Variants in RAB31 observed in about 807,000 individuals in gnomAD.
The protein encoded by RAB31 is RAB31, member RAS oncogene family, also known as ras-related protein Rab-31.
In RAB31, 21 loss-of-function variants were observed where a neutral mutation model predicts 25.6. That is an observed-to-expected ratio of 0.82 (90% confidence interval 0.58 to 1.18). The LOEUF is 1.18. Among genes scored for constraint, RAB31 ranks in the 50% most tolerant of loss-of-function variants. RAB31 has a pLI of 0.00. For missense variants in RAB31, 196 were observed against 250.1 expected (o/e 0.78, Z 1.46); for synonymous variants, 87 against 84.0 (o/e 1.04, Z -0.20).
intron 5 of RAB31, among the ~76,000 whole-genome samples, chr18:9,830,863 TTGAAATGG>T (rs2068674604): frequency 2.0e-5 from 3 of 152,352 alleles, no homozygotes; most frequent in South Asian, 4.1e-4. Flanking sequence ...TTCAAATCAC[TTGAAATGG>T]ATTTTGATAT....
chr18:9,766,835 T>C lies in RAB31; in HGVS notation c.40-8443T>C, dbSNP rs1352884753. Among the ~76,000 whole-genome samples, 1 of 152,146 alleles carries C rather than the reference T, an allele frequency of 6.6e-6. No individual in the cohort carries two copies. Among genetic ancestry groups the C allele is most frequent in the African/African-American group, 2.4e-5 (1 of 41,442 alleles). On this transcript the variant is annotated intron_variant, in intron 1 of 6. Transcript: ENST00000578921. This position sits in a 1 kb window ranked among gnomAD's most constrained non-coding sequence, Gnocchi z 4.3. ...AGCCTAGCATGGTGGTGTGCACCTGTAGTCTTAGCTACTTGGGAGGGTGAG... is the reference window on the plus strand; with the variant it reads ...AGCCTAGCATGGTGGTGTGCACCTGCAGTCTTAGCTACTTGGGAGGGTGAG...
At chr18:9,758,453 C>T (rs74912975) in intron 1 of RAB31, among the ~76,000 whole-genome samples, 3 of 152,100 alleles carry the variant, frequency 2.0e-5, no homozygotes, top group South Asian at 2.1e-4. Flanking sequence ...TCTCCTCCCC[C>T]CTCTTCCCTT....
intron 2 of RAB31, among the ~76,000 whole-genome samples, chr18:9,789,148 A>G (rs116490421): frequency 1.3e-5 from 2 of 152,354 alleles, no homozygotes; most frequent in South Asian, 2.1e-4. Context: ...TAAATACTAC[A>G]TGTTCTCACT....
At chr18:9,826,030 C>T (rs1040478163) in intron 5 of RAB31, among the ~76,000 whole-genome samples, 2 of 152,004 alleles carry the variant, frequency 1.3e-5, no homozygotes, top group Admixed American at 1.3e-4. Context: ...AGTGTCACCC[C>T]GCATACCCAT....
intron 5 of RAB31, 37 bp from the exon 6 acceptor site, chr18:9,845,545 A>G (rs1431412196): frequency 6.7e-7 from 1 of 1,482,736 alleles, no homozygotes; most frequent in Non-Finnish European, 9.0e-7. Flanking sequence ...TTACAAACAA[A>G]CATTCATTTC....
intron 6 of RAB31, among the ~76,000 whole-genome samples, chr18:9,851,396 C>T (rs926460895): frequency 1.2e-4 from 19 of 152,146 alleles, no homozygotes; most frequent in African/African-American, 4.3e-4. Context: ...ATGTACGGAG[C>T]TCTGATTCTG....
intron 5 of RAB31, among the ~76,000 whole-genome samples, chr18:9,843,184 G>A (rs1294162283): frequency 6.6e-6 from 1 of 152,162 alleles, no homozygotes; most frequent in East Asian, 1.9e-4. Flanking sequence ...GGTAGCAGGT[G>A]ACATCTCCTC....
intron 5 of RAB31, among the ~76,000 whole-genome samples, chr18:9,833,851 A>G (rs1599059340): frequency 6.6e-6 from 1 of 152,368 alleles, no homozygotes; most frequent in African/African-American, 2.4e-5. Flanking sequence ...CAAAAGTGTC[A>G]TAAAGTTCTT....
At chr18:9,844,227 G>A (rs2068748973) in intron 5 of RAB31, among the ~76,000 whole-genome samples, 1 of 152,096 alleles carries the variant, frequency 6.6e-6, no homozygotes. Context: ...CAGACATGGT[G>A]TGCCTCCCTC....
intron 1 of RAB31, among the ~76,000 whole-genome samples, chr18:9,738,545 G>C (rs1050214733): frequency 5.9e-5 from 9 of 152,214 alleles, no homozygotes; most frequent in African/African-American, 1.2e-4. Flanking sequence ...TGAACATGTG[G>C]AGGCTCCTGG....
At chr18:9,750,975 G>A (rs746430555) in intron 1 of RAB31, among the ~76,000 whole-genome samples, 2 of 152,116 alleles carry the variant, frequency 1.3e-5, no homozygotes, top group East Asian at 1.9e-4. Context: ...CTCCTGGAAC[G>A]AGGCATCATC....
At chr18:9,818,318 T>C (rs1385223213) in intron 5 of RAB31, among the ~76,000 whole-genome samples, 1 of 152,244 alleles carries the variant, frequency 6.6e-6, no homozygotes, top group Non-Finnish European at 1.5e-5. Flanking sequence ...TATCTAATTT[T>C]AGAACATTTC....
At chr18:9,759,586 G>T (rs1402173660) in intron 1 of RAB31, among the ~76,000 whole-genome samples, 1 of 110,454 alleles carries the variant, frequency 9.1e-6, no homozygotes, top group Non-Finnish European at 2.1e-5. Flanking sequence ...TGATTTAGGG[G>T]GATATTGGAT....
intron 1 of RAB31, among the ~76,000 whole-genome samples, chr18:9,714,743 G>T (rs1160398147): frequency 1.3e-5 from 2 of 152,160 alleles, no homozygotes; most frequent in Non-Finnish European, 2.9e-5. Flanking sequence ...TTTATGCTGG[G>T]AGCTGTGGGT....
intron 1 of RAB31, among the ~76,000 whole-genome samples, chr18:9,731,136 G>T (rs2068120934): frequency 1.3e-5 from 2 of 152,234 alleles, no homozygotes; most frequent in African/African-American, 4.8e-5. Flanking sequence ...TGAGATGGGG[G>T]TTCTCACTGT....
intron 1 of RAB31, among the ~76,000 whole-genome samples, chr18:9,734,062 C>T (rs2068137081): frequency 8.5e-6 from 1 of 118,178 alleles, no homozygotes; most frequent in South Asian, 3.0e-4. Context: ...AGCCTGTGTC[C>T]AGTTATGTGA....
intron 2 of RAB31, among the ~76,000 whole-genome samples, chr18:9,784,245 G>A (rs1383050904): frequency 6.6e-6 from 1 of 150,728 alleles, no homozygotes; most frequent in Non-Finnish European, 1.5e-5. Context: ...TTGCTATGTT[G>A]CCAAGGCTGG....
chr18:9,781,790 A>G (rs1183924785), intron 2 of RAB31, among the ~76,000 whole-genome samples: 1 of 152,256 alleles, frequency 6.6e-6, no homozygotes. Context: ...AAATAAAGCT[A>G]GTGGGAACAC....
At position 9,766,770 on chromosome 18, in the gene RAB31, T is replaced by C. The variant is rs973771517; in HGVS notation, c.40-8508T>C. On this transcript the variant is annotated intron_variant, in intron 1 of 6. Coordinates refer to ENST00000578921, the MANE Select transcript of RAB31 (RefSeq NM_006868.4). The surrounding 1 kb of genome is among the most constrained non-coding windows in gnomAD (Gnocchi z 4.3). ...GAGTTTGAGACCAGCCTGGGCAATA[T>C]AGTGAGACCTCATCTCTACCAAAAT... is the stretch of plus-strand genomic sequence containing the variant. 6.6e-6 allele frequency among the ~76,000 whole-genome samples: 1 copy of C among 152,038 alleles called. No homozygotes were observed. Among genetic ancestry groups the C allele is most frequent in the East Asian group, 1.9e-4 (1 of 5,176 alleles).
Sources: gnomAD v4.1 joint callset for allele counts (sites outside exome capture counted in the v4.1 genomes callset) on GRCh38, gnomAD v4.1.1 for gene constraint, Gnocchi (gnomAD v3.1) non-coding constraint, MANE v1.5 for transcripts, NCBI Gene and HGNC (gene_info 2026-07-23, HGNC 2026-07-21) for gene names.